Variants in FAM111A observed in about 807,000 individuals in gnomAD.
FAM111A encodes FAM111 trypsin like peptidase A, also known as serine protease FAM111A.
FAM111A carries 8 observed loss-of-function variants against 3.3 expected under a neutral mutation model. The ratio of observed to expected loss-of-function variants is 2.39; its 90% CI spans 1.40 to 4.32. The LOEUF is 4.32. Among genes scored for constraint, FAM111A ranks in the 30% most tolerant of loss-of-function variants. The pLI, the probability that FAM111A is intolerant of heterozygous loss-of-function variation, is 0.00. For synonymous variants in FAM111A, 227 were observed against 243.1 expected (o/e 0.93, Z 0.62); for missense variants, 683 against 727.6 (o/e 0.94, Z 0.71).
chr11:59,144,983 G>A (rs938953474), intron 3 of FAM111A: 1 of 152,778 alleles, frequency 6.5e-6, no homozygotes, highest in Non-Finnish European at 1.5e-5. Context: ...GCTGGGAGGA[G>A]AAGGAGCTGG....
At chr11:59,147,816 G>C (rs1377613736) in intron 4 of FAM111A, among the ~76,000 whole-genome samples, 1 of 152,116 alleles carries the variant, frequency 6.6e-6, no homozygotes, top group Non-Finnish European at 1.5e-5. Context: ...TATATTCTCT[G>C]AGTTTTATGA....
At chr11:59,147,049 A>C (rs1346188576) in intron 4 of FAM111A, among the ~76,000 whole-genome samples, 1 of 151,950 alleles carries the variant, frequency 6.6e-6, no homozygotes, top group African/African-American at 2.4e-5. Flanking sequence ...AAGGGTAGCC[A>C]AACCCGGGTT....
In FAM111A at chr11:59,152,183, G is replaced by A. The variant is rs758793470; in HGVS notation, c.515G>A (p.Gly172Asp). ...SKQKEDNHIFGRQDKASTECV... is the reference protein window; with the variant it reads ...SKQKEDNHIFDRQDKASTECV... ...CAGAAGGAAGATAACCACATATTTG[G>A]CAGGCAGGACAAAGCATCGACTGAA... The change falls in exon 6 of 6, where the codon GGC (glycine) becomes GAC (aspartate). Residue 172 changes from glycine (G) to aspartate (D), a missense_variant. Gly to Asp is a moderately conservative substitution (Grantham distance 94, BLOSUM62 -1). This residue lies in a region of FAM111A where 557 missense variants were observed against 600.2 expected (regional missense o/e 0.93). Coordinates refer to ENST00000675163, the MANE Select transcript of FAM111A (RefSeq NM_001312909.2). The A allele has an allele frequency of 1.2e-6, 2 of 1,614,112 alleles. No individual in the cohort carries two copies. The highest frequency in any genetic ancestry group is 3.3e-5 in the Admixed American group (2 of 59,996).
intron 5 of FAM111A, among the ~76,000 whole-genome samples, chr11:59,149,400 G>A (rs1429898092): frequency 6.6e-6 from 1 of 152,016 alleles, no homozygotes; most frequent in East Asian, 1.9e-4. Context: ...TTGAGTGTTG[G>A]GCATATTAAA....
chr11:59,152,487 C>A lies in FAM111A; in HGVS notation c.819C>A (p.Val273=). Residue 273 remains valine, a synonymous_variant, in exon 6 of 6, where the codon GTC becomes GTA. Transcript: ENST00000675163. ...YFQVEVEKRM[V]PSAAASQNPE... ...AGGTTGAGGTTGAGAAAAGAATGGT[C>A]CCCAGTGCAGCAGCTTCTCAGAATC... 1 of 1,614,018 alleles carries A rather than the reference C, an allele frequency of 6.2e-7. No homozygotes were observed. The highest frequency in any genetic ancestry group is 1.1e-5 in the South Asian group (1 of 91,058).
Position 59,149,046 on chromosome 11 carries a change from G to C in FAM111A, c.81+93G>C, listed in dbSNP as rs574529384. The C allele has an allele frequency of 4.0e-5, 33 of 826,728 alleles. No homozygotes were observed. In the African/African-American group the frequency reaches 5.4e-4, roughly 14 times the overall value. 51.2% of individuals were successfully genotyped at this position (826,728 alleles called of 1,614,324 possible). ...ACCTCTCTTGGATACCAAAATCCATGAATGCTCAAATTCTTCACATAACAT... is the reference window on the plus strand; with the variant it reads ...ACCTCTCTTGGATACCAAAATCCATCAATGCTCAAATTCTTCACATAACAT... On this transcript the variant is annotated intron_variant, in intron 5 of 5. Coordinates refer to ENST00000675163, the MANE Select transcript of FAM111A (RefSeq NM_001312909.2).
At chr11:59,148,991 C>A (rs1565201806) in intron 5 of FAM111A, 38 bp downstream of exon 5, 1 of 1,444,736 alleles carries the variant, frequency 6.9e-7, no homozygotes. Flanking sequence ...TCTAGTCATC[C>A]CTTGGTATCC....
At chr11:59,146,051 G>GTA (rs1447569004) in intron 4 of FAM111A, among the ~76,000 whole-genome samples, 195 bp downstream of exon 4, 14 of 150,666 alleles carry the variant, frequency 9.3e-5, no homozygotes, top group African/African-American at 1.7e-4. Flanking sequence ...GTGTATGTGT[G>GTA]TATATATATA....
At chr11:59,145,027 A>T (rs1351382779) in intron 3 of FAM111A, 1 of 152,332 alleles carries the variant, frequency 6.6e-6, no homozygotes, top group Admixed American at 6.5e-5. Context: ...AGCGCCACCC[A>T]TCTGGGGAGC....
At position 59,143,127 on chromosome 11, in the gene FAM111A, T is replaced by G. The variant is rs890749392; in HGVS notation, c.-483T>G. On this transcript the variant is annotated 5_prime_UTR_variant, in exon 2 of 6. Coordinates refer to ENST00000675163, the MANE Select transcript of FAM111A (RefSeq NM_001312909.2). Reference sequence around the variant, plus strand: ...TCGGCTTCCGAAGTAGGTGAGTTGCTGCCTGAAGAGAAAAGACAAACTCCA... The same window carrying G: ...TCGGCTTCCGAAGTAGGTGAGTTGCGGCCTGAAGAGAAAAGACAAACTCCA... 2.6e-5 allele frequency: 4 copies of G among 152,348 alleles called. No individual in the cohort carries two copies. The highest frequency in any genetic ancestry group is 2.0e-4 in the Admixed American group (3 of 15,290). 9.4% of individuals were successfully genotyped at this position (152,348 alleles called of 1,614,324 possible).
chr11:59,153,109 C>G lies in FAM111A; in HGVS notation c.1441C>G (p.Gln481Glu), dbSNP rs761722101. 6.2e-7 allele frequency: 1 copy of G among 1,614,132 alleles called. No homozygotes were observed. The highest frequency in any genetic ancestry group is 8.5e-7 in the Non-Finnish European group (1 of 1,180,012). The change falls in exon 6 of 6, where the codon CAG (glutamine) becomes GAG (glutamate). Residue 481 changes from glutamine (Q) to glutamate (E), a missense_variant. Transcript: ENST00000675163. ...IIGHPYGEKK[Q>E]IDACAVIPQG... ...TGGCCATCCATATGGAGAAAAAAAG[C>G]AGATTGATGCTTGTGCTGTGATCCC...
chr11:59,152,191 G>A lies in FAM111A; in HGVS notation c.523G>A (p.Asp175Asn), dbSNP rs1456480704. The A allele has an allele frequency of 3.1e-6, 5 of 1,614,012 alleles. No individual in the cohort carries two copies. In the South Asian group the frequency reaches 4.4e-5, roughly 14 times the overall value. ...KEDNHIFGRQ[D>N]KASTECVKFY... is the part of the protein sequence containing the mutation. ...AGATAACCACATATTTGGCAGGCAG[G>A]ACAAAGCATCGACTGAATGTGTCAA... The change falls in exon 6 of 6, where the codon GAC (aspartate) becomes AAC (asparagine). Residue 175 changes from aspartate (D) to asparagine (N), a missense_variant. By Grantham distance (23) the Asp-to-Asn change is conservative. Transcript: ENST00000675163.
chr11:59,150,637 C>T (rs182223666), intron 5 of FAM111A, among the ~76,000 whole-genome samples: 11 of 152,156 alleles, frequency 7.2e-5, no homozygotes, highest in South Asian at 2.1e-4. Context: ...TAAGATAATG[C>T]GCTACAAAAA....
Position 59,152,076 on chromosome 11 carries a change from G to A in FAM111A, c.408G>A (p.Glu136=), listed in dbSNP as rs1388160191. 3 of 1,614,076 alleles carry A rather than the reference G, an allele frequency of 1.9e-6. No individual in the cohort carries two copies. Among genetic ancestry groups the A allele is most frequent in the African/African-American group, 1.3e-5 (1 of 74,932 alleles). The part of the protein sequence containing the change: ...MLVRGTEGIK[E]YINLGMPLSC... The stretch of plus-strand genomic sequence containing the variant: ...TGCGTGGCACAGAAGGAATCAAAGA[G>A]TACATAAACCTTGGAATGCCCCTCA... Residue 136 remains glutamate (E), a synonymous_variant, in exon 6 of 6, where the codon GAG becomes GAA. Coordinates refer to ENST00000675163, the MANE Select transcript of FAM111A (RefSeq NM_001312909.2).
rs377559394 is a variant in FAM111A at position 59,152,022 on chromosome 11, A to G, written c.354A>G (p.Ile118Met). 2.5e-5 allele frequency: 40 copies of G among 1,614,104 alleles called. No homozygotes were observed. The highest frequency in any genetic ancestry group is 2.5e-5 in the Non-Finnish European group (30 of 1,180,042). Residue 118 changes from isoleucine (I) to methionine (M), a missense_variant, in exon 6 of 6, where the codon ATA becomes ATG. Around this residue, in one of 3 missense-constraint regions of FAM111A, gnomAD observed 557 missense variants for 600.2 expected, o/e 0.93. Coordinates refer to ENST00000675163, the MANE Select transcript of FAM111A (RefSeq NM_001312909.2). The part of the protein sequence containing the change: ...LNTLQAVRKE[I>M]ETHQGQEMLV... ...CTCTCCAGGCTGTCAGAAAAGAGAT[A>G]GAAACTCACCAAGGCCAAGAAATGC...
intron 4 of FAM111A, among the ~76,000 whole-genome samples, chr11:59,147,946 A>C (rs1217674815): frequency 6.6e-6 from 1 of 152,232 alleles, no homozygotes; most frequent in East Asian, 1.9e-4. Context: ...AAAAGCACTT[A>C]GAACAGGGCA....
chr11:59,153,453 A>G lies in FAM111A; in HGVS notation c.1785A>G (p.Glu595=), dbSNP rs763574117. The part of the protein sequence containing the change: ...IKQRHKPWYE[E]VFVNQQDVEM... Reference sequence around the variant, plus strand: ...AAAGACATAAACCATGGTATGAAGAAGTATTTGTAAATCAGCAGGATGTAG... The same window carrying G: ...AAAGACATAAACCATGGTATGAAGAGGTATTTGTAAATCAGCAGGATGTAG... Residue 595 remains glutamate, a synonymous_variant, in exon 6 of 6, where the codon GAA becomes GAG. Transcript: ENST00000675163. 9 of 1,613,054 alleles carry G rather than the reference A, an allele frequency of 5.6e-6. No individual in the cohort carries two copies. The highest frequency in any genetic ancestry group is 7.6e-6 in the Non-Finnish European group (9 of 1,179,598).
Position 59,152,425 on chromosome 11 carries a change from A to G in FAM111A, c.757A>G (p.Thr253Ala). 6.2e-7 allele frequency: 1 copy of G among 1,614,140 alleles called. No individual in the cohort carries two copies. The highest frequency in any genetic ancestry group is 8.5e-7 in the Non-Finnish European group (1 of 1,180,012). ...IENNDTILESTQPVDELEGRY... is the reference protein window; with the variant it reads ...IENNDTILESAQPVDELEGRY... ...AAACAATGACACCATTTTAGAAAGC[A>G]CCCAGCCAGTTGATGAATTAGAAGG... is the stretch of plus-strand genomic sequence containing the variant. The change falls in exon 6 of 6, where the codon ACC becomes GCC. Residue 253 changes from threonine (T) to alanine (A), a missense_variant. By Grantham distance (58) the Thr-to-Ala change is moderately conservative (BLOSUM62 0). This residue lies in a region of FAM111A where 557 missense variants were observed against 600.2 expected (regional missense o/e 0.93). Coordinates refer to ENST00000675163, the MANE Select transcript of FAM111A (RefSeq NM_001312909.2).
intron 5 of FAM111A, 155 bp downstream of exon 5, chr11:59,149,108 G>C: frequency 1.7e-6 from 1 of 603,522 alleles, no homozygotes; most frequent in Non-Finnish European, 3.0e-6. Flanking sequence ...ATATCCTCCT[G>C]TATACTTTAA....
Sources: gnomAD v4.1 joint callset for allele counts (sites outside exome capture counted in the v4.1 genomes callset) on GRCh38, gnomAD v4.1.1 for gene constraint, gnomAD v4.1.1 regional missense constraint, MANE v1.5 for transcripts, NCBI Gene and HGNC (gene_info 2026-07-23, HGNC 2026-07-21) for gene names.